The following DOCK4 variants were observed in gnomAD, a reference collection of about 807,000 sequenced individuals.
The protein encoded by DOCK4 is dedicator of cytokinesis protein 4.
DOCK4 carries 97 observed loss-of-function variants against 268.1 expected under a neutral mutation model. The observed-to-expected ratio is 0.36, with a 90% CI of 0.31 to 0.43. The LOEUF is 0.43. Among genes scored for constraint, DOCK4 ranks in the 20% least tolerant of loss-of-function variants. The probability of loss-of-function intolerance (pLI) is 1.00; values close to 1 mark genes in which losing one functional copy is unlikely to be tolerated. For missense variants in DOCK4, 2,145 were observed against 2,455.7 expected (o/e 0.87, Z 2.67); for synonymous variants, 954 against 887.2 (o/e 1.08, Z -1.34).
intron 7 of DOCK4, among the ~76,000 whole-genome samples, chr7:111,980,178 AACATGGGCCTTC>A (rs1798505538): frequency 6.6e-6 from 1 of 152,184 alleles, no homozygotes; most frequent in Non-Finnish European, 1.5e-5. Context: ...TTGCACATTT[AACATGGGCCTTC>A]ACATCTGGCA....
At chr7:112,022,511 T>C (rs181804434) in intron 1 of DOCK4, among the ~76,000 whole-genome samples, 69 of 152,306 alleles carry the variant, frequency 4.5e-4, no homozygotes, top group African/African-American at 1.4e-3. Flanking sequence ...CATAGGTGGG[T>C]TCAAATCCCA....
intron 1 of DOCK4, among the ~76,000 whole-genome samples, chr7:112,202,218 T>C (rs1239436188): frequency 6.6e-6 from 1 of 152,196 alleles, no homozygotes; most frequent in Non-Finnish European, 1.5e-5. Context: ...AGTGGAATTG[T>C]TGGATCATAT....
At chr7:111,851,344 C>T (rs1758659400) in intron 23 of DOCK4, among the ~76,000 whole-genome samples, 1 of 150,148 alleles carries the variant, frequency 6.7e-6, no homozygotes, top group African/African-American at 2.5e-5. Flanking sequence ...ACTAGGGAGG[C>T]TGAGGCAGGA....
chr7:112,036,923 A>G (rs570305830), intron 1 of DOCK4, among the ~76,000 whole-genome samples: 4 of 152,256 alleles, frequency 2.6e-5, no homozygotes, highest in Middle Eastern at 6.8e-3. Context: ...TGCCTCCCAT[A>G]GTGCTGGGAT....
chr7:111,962,032 AATTTTGTCATATTTTCTTCACAT>A (rs766054841), intron 8 of DOCK4, among the ~76,000 whole-genome samples: 105 of 152,264 alleles, frequency 6.9e-4, no homozygotes, highest in Non-Finnish European at 1.0e-3. Context: ...ATAACCAAGA[AATTTTGTCATATTTTCTTCACAT>A]ATTTTGTCAT....
intron 12 of DOCK4, among the ~76,000 whole-genome samples, chr7:111,922,800 C>T (rs977410837): frequency 6.6e-6 from 1 of 152,062 alleles, no homozygotes; most frequent in South Asian, 2.1e-4. Context: ...CCAGTATGGT[C>T]TCGATCTCCT....
chr7:112,206,352 C>T lies in DOCK4; in HGVS notation c.-214G>A. 1.7e-6 allele frequency: 1 copy of T among 591,404 alleles called. No homozygotes were observed. 36.6% of individuals were successfully genotyped at this position (591,404 alleles called of 1,614,324 possible). On this transcript the variant is annotated 5_prime_UTR_variant, in exon 1 of 53. Transcript: ENST00000428084. Reference sequence around the variant, plus strand: ...CTCCCGGCGGCGGCTGCTCACAGTCCTCCGACGCGCTCCCGGGTACCCGGC... The same window carrying T: ...CTCCCGGCGGCGGCTGCTCACAGTCTTCCGACGCGCTCCCGGGTACCCGGC...
intron 44 of DOCK4, 41 bp downstream of exon 44, chr7:111,746,293 T>C: frequency 6.4e-7 from 1 of 1,551,960 alleles, no homozygotes; most frequent in Non-Finnish European, 8.8e-7. Flanking sequence ...CAAGCACATA[T>C]CCAGGCAAAA....
At chr7:111,946,580 T>C (rs1329634577) in intron 8 of DOCK4, among the ~76,000 whole-genome samples, 1 of 152,192 alleles carries the variant, frequency 6.6e-6, no homozygotes, top group African/African-American at 2.4e-5. Flanking sequence ...TGCCATTTAT[T>C]TATTTATTAT....
intron 30 of DOCK4, chr7:111,808,390 G>A (rs1177068022): frequency 5.9e-6 from 1 of 170,280 alleles, no homozygotes. Flanking sequence ...TTATGATATA[G>A]GACAATGGTC....
At chr7:112,093,971 G>A (rs1438134040) in intron 1 of DOCK4, among the ~76,000 whole-genome samples, 2 of 151,168 alleles carry the variant, frequency 1.3e-5, no homozygotes, top group Non-Finnish European at 2.9e-5. Context: ...TCTTAGAAAA[G>A]CATATTGAGC....
At chr7:111,923,702 T>C (rs989408768) in intron 12 of DOCK4, among the ~76,000 whole-genome samples, 6 of 152,240 alleles carry the variant, frequency 3.9e-5, no homozygotes, top group African/African-American at 1.4e-4. Context: ...TATTGCAGCT[T>C]ACCCATGTAC....
At chr7:112,165,104 T>C (rs1377261443) in intron 1 of DOCK4, among the ~76,000 whole-genome samples, 1 of 152,184 alleles carries the variant, frequency 6.6e-6, no homozygotes, top group Non-Finnish European at 1.5e-5. Flanking sequence ...TATTTTTATG[T>C]GTACAAGTTT....
chr7:111,998,048 GAAAGA>G (rs1369419661), intron 4 of DOCK4, among the ~76,000 whole-genome samples: 1 of 152,316 alleles, frequency 6.6e-6, no homozygotes, highest in East Asian at 1.9e-4. Context: ...CCCATTTAGA[GAAAGA>G]CACACTATGC....
chr7:111,802,059 A>G (rs764724019), intron 30 of DOCK4, among the ~76,000 whole-genome samples: 1 of 152,052 alleles, frequency 6.6e-6, no homozygotes, highest in African/African-American at 2.4e-5. Context: ...AGCTCTCCCT[A>G]TATTTTCCTC....
chr7:112,172,194 T>C (rs1818145952), intron 1 of DOCK4, among the ~76,000 whole-genome samples: 1 of 152,156 alleles, frequency 6.6e-6, no homozygotes, highest in South Asian at 2.1e-4. Flanking sequence ...CCAGTACGTT[T>C]CCTGTGCTGT....
chr7:112,162,505 C>G (rs1047575366), intron 1 of DOCK4, among the ~76,000 whole-genome samples: 1 of 123,082 alleles, frequency 8.1e-6, no homozygotes, highest in African/African-American at 5.2e-5. Flanking sequence ...CTGTCTGTCT[C>G]TTTCTTTCTC....
intron 8 of DOCK4, among the ~76,000 whole-genome samples, chr7:111,947,195 C>T (rs781660693): frequency 2.6e-5 from 4 of 152,222 alleles, no homozygotes; most frequent in Non-Finnish European, 4.4e-5. Flanking sequence ...TGTTATCACC[C>T]GATCCTTGCC....
intron 6 of DOCK4, 27 bp from the exon 7 acceptor site, chr7:111,984,417 G>C (rs1435509356): frequency 1.3e-6 from 2 of 1,591,398 alleles, no homozygotes; most frequent in African/African-American, 2.7e-5. Context: ...AAAAGTTTGG[G>C]GGAAAAGTTA....
Sources: allele counts gnomAD v4.1 joint callset (sites outside exome capture counted in the v4.1 genomes callset), GRCh38; gene constraint gnomAD v4.1.1; transcripts MANE v1.5; gene names NCBI Gene and HGNC (gene_info 2026-07-23, HGNC 2026-07-21).